Variants in TTC39B observed in about 807,000 individuals in gnomAD.
The protein encoded by TTC39B is tetratricopeptide repeat domain 39B.
A neutral mutation model predicts 96.6 loss-of-function variants in TTC39B; 92 were observed. That is an observed-to-expected ratio of 0.95 (90% confidence interval 0.80 to 1.13). The LOEUF (loss-of-function observed/expected upper bound fraction) is 1.13, where lower values mean the gene tolerates loss of function less well. Ranked by LOEUF, TTC39B falls within the 50% of genes most tolerant of loss-of-function variation. The probability of loss-of-function intolerance (pLI) is 0.00; values close to 1 mark genes in which losing one functional copy is unlikely to be tolerated. For synonymous variants in TTC39B, 367 were observed against 299.4 expected, an observed-to-expected ratio of 1.23 and a Z score of -2.33; for missense variants, 955 against 809.3, an observed-to-expected ratio of 1.18 and a Z score of -2.18.
chr9:15,201,758 G>A (rs1038953656), intron 7 of TTC39B, among the ~76,000 whole-genome samples: 12 of 152,202 alleles, frequency 7.9e-5, no homozygotes, highest in South Asian at 2.1e-4. Flanking sequence ...TGTAAGGTGC[G>A]GGGGGCGGGT....
chr9:15,248,879 G>A (rs1284373283), intron 2 of TTC39B, among the ~76,000 whole-genome samples: 6 of 152,212 alleles, frequency 3.9e-5, no homozygotes, highest in South Asian at 2.1e-4. Flanking sequence ...TAATATGTCA[G>A]CCTAAGTCAA....
chr9:15,176,824 T>G (rs577087301), intron 18 of TTC39B, among the ~76,000 whole-genome samples: 1 of 152,282 alleles, frequency 6.6e-6, no homozygotes, highest in South Asian at 2.1e-4. Context: ...TAAGTAAGGT[T>G]ACATATCTGG....
rs79955776 is a variant in TTC39B at position 15,270,563 on chromosome 9, G to A, written c.241-2615C>T. ...CCAACCCTCCGTGTAAAGAAGATAA[G>A]ACTAATATTTTCATCTAAACAAGAA... On this transcript the variant is annotated intron_variant, in intron 1 of 19. Transcript: ENST00000512701. Among the ~76,000 whole-genome samples the A allele has an allele frequency of 3.5e-3, 507 of 146,932 alleles. 2 individuals are homozygous for A. The highest frequency in any genetic ancestry group is 0.012 in the African/African-American group (473 of 39,680).
At chr9:15,169,924 T>A (rs1297537758) in exon 20 of TTC39B, 1 of 152,168 alleles carries the variant, frequency 6.6e-6, no homozygotes, top group East Asian at 1.9e-4. Context: ...GACTTGCAGC[T>A]TCTCACAGTA....
intron 19 of TTC39B, 103 bp downstream of exon 19, chr9:15,174,916 G>A: frequency 1.3e-6 from 1 of 753,374 alleles, no homozygotes; most frequent in Non-Finnish European, 2.3e-6. Context: ...TTACTAATTT[G>A]ACATTGTTAA....
chr9:15,234,493 GCCCCTCTGCCTGGCCACCAC>G (rs1288401815), intron 2 of TTC39B, among the ~76,000 whole-genome samples: 9 of 152,004 alleles, frequency 5.9e-5, no homozygotes, highest in Non-Finnish European at 1.2e-4. Context: ...GAAGTGAGGA[GCCCCTCTGCCTGGCCACCAC>G]CCCGTCTGGG....
At chr9:15,258,797 T>G (rs939618646) in intron 2 of TTC39B, among the ~76,000 whole-genome samples, 7 of 152,158 alleles carry the variant, frequency 4.6e-5, no homozygotes, top group African/African-American at 1.4e-4. Flanking sequence ...GGGACCTCCT[T>G]GGTAAGATGA....
chr9:15,270,812 CG>C (rs138868857), intron 1 of TTC39B, among the ~76,000 whole-genome samples: 3,976 of 151,332 alleles, frequency 0.026, 167 homozygotes, highest in African/African-American at 0.092. Context: ...ACAGTAATCA[CG>C]GGGCAGAGAG....
intron 16 of TTC39B, among the ~76,000 whole-genome samples, chr9:15,184,674 G>A (rs1818426223): frequency 6.6e-6 from 1 of 152,224 alleles, no homozygotes; most frequent in African/African-American, 2.4e-5. Flanking sequence ...ACAACAGCCA[G>A]CAGCCAGTTA....
At chr9:15,211,309 T>C (rs1384945094) in exon 5 of TTC39B, 2 of 1,590,296 alleles carry the variant, frequency 1.3e-6, no homozygotes, top group Non-Finnish European at 1.7e-6. Context: ...GAAATGCCGT[T>C]CTGGATGTCC....
At chr9:15,280,146 C>G (rs1407334921) in intron 1 of TTC39B, among the ~76,000 whole-genome samples, 1 of 152,124 alleles carries the variant, frequency 6.6e-6, no homozygotes, top group African/African-American at 2.4e-5. Context: ...AATCGGCCCA[C>G]CTTGGCCTCC....
Position 15,208,596 on chromosome 9 carries a change from G to A in TTC39B, c.691+1492C>T, listed in dbSNP as rs577827437. On this transcript the variant is annotated intron_variant, in intron 6 of 19. Coordinates refer to ENST00000512701, the Ensembl canonical transcript of TTC39B. ...AATTTACATAAGCAGCTCAAAGATG[G>A]AAAATATGCAGACACATTCTATCCG... 2.4e-4 allele frequency among the ~76,000 whole-genome samples: 36 copies of A among 152,228 alleles called. 1 individual carries two copies. In the South Asian group the frequency reaches 6.8e-3, roughly 29 times the overall value.
chr9:15,232,418 C>T (rs540723776), intron 2 of TTC39B: 1 of 152,314 alleles, frequency 6.6e-6, no homozygotes, highest in African/African-American at 2.4e-5. Context: ...AAAGCAGTAG[C>T]CTCTCTAGAT....
intron 1 of TTC39B, among the ~76,000 whole-genome samples, chr9:15,269,623 G>A (rs533279789): frequency 6.6e-6 from 1 of 152,324 alleles, no homozygotes; most frequent in Non-Finnish European, 1.5e-5. Context: ...GGAGGCCGAG[G>A]CGGGTGGATC....
chr9:15,178,611 T>C (rs951874739), intron 17 of TTC39B, among the ~76,000 whole-genome samples: 20 of 152,204 alleles, frequency 1.3e-4, no homozygotes, highest in African/African-American at 2.4e-5. Flanking sequence ...GAATTTACTA[T>C]ATCAGAACAT....
chr9:15,278,146 T>C (rs1823617977), intron 1 of TTC39B, among the ~76,000 whole-genome samples: 2 of 152,162 alleles, frequency 1.3e-5, no homozygotes, highest in Non-Finnish European at 2.9e-5. Flanking sequence ...CTGCATTTCA[T>C]TATAGAGTTG....
intron 3 of TTC39B, among the ~76,000 whole-genome samples, chr9:15,221,237 C>T (rs982382999): frequency 3.3e-5 from 5 of 152,140 alleles, no homozygotes; most frequent in Admixed American, 2.6e-4. Flanking sequence ...AGCAATTTTC[C>T]GTTCCCATCA....
At chr9:15,288,673 A>C (rs530394601) in intron 1 of TTC39B, among the ~76,000 whole-genome samples, 96 of 152,242 alleles carry the variant, frequency 6.3e-4, no homozygotes, top group Non-Finnish European at 1.1e-3. Flanking sequence ...CCAAGAGGAC[A>C]CTATGCTGGT....
chr9:15,286,372 T>C (rs1193441575), intron 1 of TTC39B, among the ~76,000 whole-genome samples: 1 of 152,252 alleles, frequency 6.6e-6, no homozygotes, highest in Non-Finnish European at 1.5e-5. Flanking sequence ...AGTATCTTCC[T>C]GTTCCTCATT....
Sources: gnomAD v4.1 joint callset for allele counts (sites outside exome capture counted in the v4.1 genomes callset) on GRCh38, gnomAD v4.1.1 for gene constraint, MANE v1.5 for transcripts, NCBI Gene and HGNC (gene_info 2026-07-23, HGNC 2026-07-21) for gene names.